The following DZANK1 variants were observed in gnomAD, a reference collection of about 807,000 sequenced individuals.
The protein encoded by DZANK1 is double zinc ribbon and ankyrin repeat-containing protein 1.
A neutral mutation model predicts 94.5 loss-of-function variants in DZANK1; 91 were observed. The ratio of observed to expected loss-of-function variants is 0.96; its 90% CI spans 0.81 to 1.15. The LOEUF (loss-of-function observed/expected upper bound fraction) is 1.15. DZANK1 is among the 50% of genes most tolerant of loss of function. The probability of loss-of-function intolerance (pLI) is 0.00; values close to 1 mark genes in which losing one functional copy is unlikely to be tolerated. For synonymous variants in DZANK1, 312 were observed against 325.3 expected, an observed-to-expected ratio of 0.96 and a Z score of 0.44; for missense variants, 903 against 916.4, an observed-to-expected ratio of 0.99 and a Z score of 0.19.
At chr20:18,449,755 CA>C (rs55784090) in intron 6 of DZANK1, among the ~76,000 whole-genome samples, 45,481 of 99,028 alleles carry the variant, frequency 0.46, 8,606 homozygotes, top group South Asian at 0.51. Flanking sequence ...GACTCTGTCT[CA>C]AAAAAAAAAA....
intron 6 of DZANK1, among the ~76,000 whole-genome samples, chr20:18,452,173 T>C (rs919965642): frequency 6.6e-6 from 1 of 152,094 alleles, no homozygotes; most frequent in Non-Finnish European, 1.5e-5. Flanking sequence ...CTTCAGGTGA[T>C]TCTAACGTGC....
chr20:18,387,755 C>G (rs149032781), intron 19 of DZANK1, among the ~76,000 whole-genome samples: 2 of 152,288 alleles, frequency 1.3e-5, no homozygotes, highest in East Asian at 3.9e-4. Flanking sequence ...AGGAATGATA[C>G]AAACATGGAA....
At chr20:18,385,395 G>A (rs752196904) in intron 19 of DZANK1, among the ~76,000 whole-genome samples, 1 of 151,958 alleles carries the variant, frequency 6.6e-6, no homozygotes, top group Non-Finnish European at 1.5e-5. Flanking sequence ...TTGCCTGCAA[G>A]AGTTTATGCA....
chr20:18,463,522 C>A (rs1344722786), intron 2 of DZANK1, among the ~76,000 whole-genome samples: 1 of 151,956 alleles, frequency 6.6e-6, no homozygotes, highest in Non-Finnish European at 1.5e-5. Context: ...AAAAAAAGGT[C>A]TTTTCATATC....
chr20:18,451,399 C>T (rs2059096284), intron 6 of DZANK1, among the ~76,000 whole-genome samples: 1 of 152,180 alleles, frequency 6.6e-6, no homozygotes, highest in Admixed American at 6.5e-5. Context: ...TCCATGGCAA[C>T]ATATTCTTTT....
intron 13 of DZANK1, among the ~76,000 whole-genome samples, chr20:18,402,629 T>C (rs2056746291): frequency 3.3e-5 from 5 of 152,076 alleles, no homozygotes; most frequent in African/African-American, 1.2e-4. Context: ...ACAGCACACT[T>C]GAATCTCTCA....
At chr20:18,413,249 A>T (rs1379233599) in intron 12 of DZANK1, 1 of 216,632 alleles carries the variant, frequency 4.6e-6, no homozygotes, top group Non-Finnish European at 9.2e-6. Context: ...GAGGACTACC[A>T]TGAAAGGTTG....
At chr20:18,396,064 T>G (rs912768993) in intron 15 of DZANK1, among the ~76,000 whole-genome samples, 2 of 152,224 alleles carry the variant, frequency 1.3e-5, no homozygotes, top group African/African-American at 2.4e-5. Flanking sequence ...TGAAACACAT[T>G]TACAGGCTCT....
intron 12 of DZANK1, chr20:18,413,075 C>T: frequency 1.7e-6 from 1 of 581,500 alleles, no homozygotes; most frequent in Non-Finnish European, 3.0e-6. Flanking sequence ...TAAAAGTCAG[C>T]AAATCAAGGG....
At chr20:18,453,079 C>A (rs1030999466) in intron 5 of DZANK1, among the ~76,000 whole-genome samples, 27 of 152,220 alleles carry the variant, frequency 1.8e-4, no homozygotes, top group African/African-American at 5.8e-4. Context: ...TAGCAGCCCC[C>A]TCTTTGCATG....
At chr20:18,384,834 T>C (rs2048385268) in intron 20 of DZANK1, among the ~76,000 whole-genome samples, 182 bp downstream of exon 20, 1 of 152,192 alleles carries the variant, frequency 6.6e-6, no homozygotes, top group Non-Finnish European at 1.5e-5. Context: ...GTGTGTTTAA[T>C]GGGGGCAACA....
At chr20:18,460,051 T>C (rs2059420928) in intron 3 of DZANK1, 102 bp downstream of exon 3, 1 of 852,472 alleles carries the variant, frequency 1.2e-6, no homozygotes, top group African/African-American at 1.7e-5. Context: ...TTCAGTAGTG[T>C]CCTTCTAATG....
intron 20 of DZANK1, 47 bp from the exon 21 acceptor site, chr20:18,384,611 T>C (rs761670819): frequency 3.3e-6 from 5 of 1,525,284 alleles, no homozygotes; most frequent in Non-Finnish European, 4.4e-6. Flanking sequence ...GACTTGAACA[T>C]GTGACCCTAA....
chr20:18,399,430 A>G (rs2056547960), intron 13 of DZANK1, among the ~76,000 whole-genome samples: 2 of 152,040 alleles, frequency 1.3e-5, no homozygotes, highest in Admixed American at 1.3e-4. Context: ...GAGTTTCACC[A>G]TGCTACCCAG....
intron 4 of DZANK1, 64 bp downstream of exon 4, chr20:18,455,183 T>A: frequency 1.6e-6 from 2 of 1,233,884 alleles, no homozygotes; most frequent in Non-Finnish European, 1.2e-6. Context: ...CAAGATCTGC[T>A]CACTGAGAAA....
intron 20 of DZANK1, 80 bp downstream of exon 20, chr20:18,384,936 G>A (rs2048391688): frequency 2.2e-6 from 3 of 1,364,618 alleles, no homozygotes; most frequent in Middle Eastern, 2.2e-4. Context: ...AGGAACCAAG[G>A]CCCCTCTTAA....
chr20:18,403,796 C>CTTT lies in DZANK1; in HGVS notation c.1433-5173_1433-5171dup, dbSNP rs35824877. 1.3e-3 allele frequency among the ~76,000 whole-genome samples: 145 copies of CTTT among 111,756 alleles called. 1 individual carries two copies. The highest frequency in any genetic ancestry group is 1.8e-3 in the Non-Finnish European group (101 of 55,602). The allele number at this position is 111,756 out of a possible 152,430, so 73.3% of individuals were successfully genotyped here. ...ACAGATTCATAAACTAACTTTCTTT[C>CTTT]TTTTTTTTTTTTTTTTTTTTTGAGA... On this transcript the variant is annotated intron_variant, in intron 13 of 20. Coordinates refer to ENST00000262547, the Ensembl canonical transcript of DZANK1.
chr20:18,393,877 TCTTA>T (rs2148216915), intron 16 of DZANK1, 66 bp from the exon 17 acceptor site: 1 of 1,081,836 alleles, frequency 9.2e-7, no homozygotes, highest in South Asian at 1.4e-5. Flanking sequence ...AACAGTTATT[TCTTA>T]CTTCCACGTC....
rs764146932 is a variant in DZANK1, at chr20:18,412,398, C to T, written c.1432+248G>A. On this transcript the variant is annotated intron_variant, in intron 13 of 20. Transcript: ENST00000262547. ...CGTCACGACAAAAGAAACCCACATG[C>T]GCCATGTGACTGAGGAACTAGACTA... 1.2e-4 allele frequency among the ~76,000 whole-genome samples: 18 copies of T among 152,100 alleles called. No individual in the cohort carries two copies. The South Asian group carries it at 1.7e-3, about 14-fold the overall frequency.
Sources: allele counts gnomAD v4.1 joint callset (sites outside exome capture counted in the v4.1 genomes callset), GRCh38; gene constraint gnomAD v4.1.1; transcripts MANE v1.5; gene names NCBI Gene and HGNC (gene_info 2026-07-23, HGNC 2026-07-21).